AKAP14: variants seen among roughly 807,000 people sequenced by gnomAD.
AKAP14 encodes A-kinase anchor protein 14.
Under a neutral mutation model 17.0 loss-of-function variants are expected in AKAP14, and 4 were observed. The ratio of observed to expected loss-of-function variants is 0.23; its 90% confidence interval spans 0.12 to 0.54. AKAP14 has a LOEUF of 0.54. Among genes scored for constraint, AKAP14 ranks in the 20% least tolerant of loss-of-function variants. The pLI is 0.95. For missense variants in AKAP14, 129 were observed against 150.9 expected (o/e 0.85, Z 0.76); for synonymous variants, 42 against 51.3 (o/e 0.82, Z 0.77).
rs766878681 is a variant in AKAP14, at chrX:119,913,123, A to AAAATAAATAAATAAATAAAT, written c.262-1564_262-1545dup. Among the ~76,000 whole-genome samples, 755 of 98,060 alleles carry AAAATAAATAAATAAATAAAT rather than the reference A, an allele frequency of 7.7e-3. 10 individuals carry two copies. The highest frequency in any genetic ancestry group is 0.026 in the Middle Eastern group (5 of 192). The allele number at this position is 98,060 out of a possible 115,157, so 85.2% of individuals were successfully genotyped here. On this transcript the variant is annotated intron_variant, in intron 4 of 6. Transcript: ENST00000371431. ...GACAACATAGCAAGACCTGGTCTCT[A>AAAATAAATAAATAAATAAAT]AAATAAATAAATAAATAAATAAATA...
intron 4 of AKAP14, among the ~76,000 whole-genome samples, chrX:119,908,014 G>A (rs868000436): frequency 6.3e-5 from 7 of 111,633 alleles, no homozygotes; most frequent in Middle Eastern, 4.6e-3. Context: ...GGCTGGGCGC[G>A]GTGGCTCACG....
intron 4 of AKAP14, among the ~76,000 whole-genome samples, chrX:119,905,291 C>T (rs988983886): frequency 8.9e-6 from 1 of 111,868 alleles, no homozygotes; most frequent in African/African-American, 3.2e-5. Flanking sequence ...CTCCAGCGGA[C>T]GCCACTCACC....
At chrX:119,903,452 C>T in intron 3 of AKAP14, 43 bp from the exon 4 acceptor site, 1 of 1,211,365 alleles carries the variant, frequency 8.3e-7, no homozygotes, top group Non-Finnish European at 1.1e-6. Flanking sequence ...AATATAGCAC[C>T]ACACTACCTG....
At chrX:119,917,884 T>A (rs757579356) in intron 5 of AKAP14, among the ~76,000 whole-genome samples, 11 of 112,874 alleles carry the variant, frequency 9.7e-5, no homozygotes, top group Non-Finnish European at 1.9e-4. Context: ...GGGATTCAGA[T>A]TCTGCAAGAC....
At chrX:119,912,913 CAAG>C (rs2056635781) in intron 4 of AKAP14, among the ~76,000 whole-genome samples, 1 of 110,551 alleles carries the variant, frequency 9.0e-6, no homozygotes, top group African/African-American at 3.3e-5. Context: ...ATCTCAACTC[CAAG>C]AATAGGCCCA....
intron 4 of AKAP14, among the ~76,000 whole-genome samples, chrX:119,906,149 G>A (rs970100019): frequency 8.3e-5 from 9 of 108,539 alleles, no homozygotes; most frequent in Admixed American, 4.0e-4. Context: ...TGACTGAAAA[G>A]CTAAACATGT....
chrX:119,901,186 G>A (rs955282412), intron 2 of AKAP14, among the ~76,000 whole-genome samples: 2 of 112,013 alleles, frequency 1.8e-5, no homozygotes, highest in Non-Finnish European at 3.8e-5. Context: ...GGCCATTAAA[G>A]TCAGACACAA....
intron 4 of AKAP14, among the ~76,000 whole-genome samples, chrX:119,908,653 GTC>G (rs2056611649): frequency 9.0e-6 from 1 of 111,685 alleles, no homozygotes; most frequent in South Asian, 3.7e-4. Flanking sequence ...ACTTCTATGT[GTC>G]TGTTGATTGT....
At position 119,903,585 on chromosome X, in the gene AKAP14, C is replaced by T. The variant is rs765490964; in HGVS notation, c.260C>T (p.Ser87Leu). Reference sequence around the variant, plus strand: ...CTTAAACAAATTGACGAATATTTTTCGGTAAGTTAGGCCGACCACTCCAGC... The same window carrying T: ...CTTAAACAAATTGACGAATATTTTTTGGTAAGTTAGGCCGACCACTCCAGC... ...KGLKQIDEYFSKCVSKKCWAH... is the reference protein window; with the variant it reads ...KGLKQIDEYFLKCVSKKCWAH... Residue 87 changes from serine to leucine, a missense_variant and splice_region_variant, in exon 4 of 7, where the codon TCG (serine) becomes TTG (leucine). Physicochemically the swap from Ser to Leu is moderately radical, Grantham distance 145. Coordinates refer to ENST00000371431, the MANE Select transcript of AKAP14 (RefSeq NM_178813.6). 9 of 1,209,023 alleles carry T rather than the reference C, an allele frequency of 7.4e-6. No homozygotes were observed. The highest frequency in any genetic ancestry group is 5.3e-5 in the South Asian group (3 of 56,705).
chrX:119,905,050 CAA>C (rs35528603), intron 4 of AKAP14, among the ~76,000 whole-genome samples: 2 of 95,203 alleles, frequency 2.1e-5, no homozygotes, highest in Non-Finnish European at 4.3e-5. Flanking sequence ...GACCCTGTCT[CAA>C]AAAAAAAAAA....
At chrX:119,909,484 C>T (rs951383227) in intron 4 of AKAP14, among the ~76,000 whole-genome samples, 11 of 105,236 alleles carry the variant, frequency 1.0e-4, no homozygotes, top group Admixed American at 1.0e-4. Context: ...GCCGAGAAAA[C>T]GCCACTGTAC....
chrX:119,903,558 G>T lies in AKAP14; in HGVS notation c.233G>T (p.Gly78Val). 5 of 1,211,662 alleles carry T rather than the reference G, an allele frequency of 4.1e-6. No homozygotes were observed. The highest frequency in any genetic ancestry group is 5.6e-6 in the Non-Finnish European group (5 of 895,422). ...MTHGEFTVEKGLKQIDEYFSK... is the reference protein window; with the variant it reads ...MTHGEFTVEKVLKQIDEYFSK... The stretch of plus-strand genomic sequence containing the variant: ...CACGGTGAATTCACTGTGGAAAAGG[G>T]TCTTAAACAAATTGACGAATATTTT... Residue 78 changes from glycine (G) to valine (V), a missense_variant, in exon 4 of 7, where the codon GGT becomes GTT. Transcript: ENST00000371431.
intron 2 of AKAP14, among the ~76,000 whole-genome samples, chrX:119,897,067 T>G (rs1446089339): frequency 9.1e-6 from 1 of 110,458 alleles, no homozygotes; most frequent in Non-Finnish European, 1.9e-5. Flanking sequence ...ACATTGGCCT[T>G]CCAAAGTGCT....
intron 4 of AKAP14, among the ~76,000 whole-genome samples, chrX:119,904,246 C>T (rs2056584879): frequency 8.9e-6 from 1 of 112,105 alleles, no homozygotes; most frequent in Admixed American, 9.6e-5. Context: ...CCTCCACCAC[C>T]AACTTTAGAA....
chrX:119,918,872 C>T (rs2056673210), intron 5 of AKAP14, among the ~76,000 whole-genome samples: 1 of 111,982 alleles, frequency 8.9e-6, no homozygotes, highest in Non-Finnish European at 1.9e-5. Flanking sequence ...GCACCTTGGC[C>T]TGATGTTAAG....
rs1287585011 is a variant in AKAP14 at position 119,919,418 on chromosome X, A to G, written c.442-493A>G. 3.6e-5 allele frequency among the ~76,000 whole-genome samples: 4 copies of G among 112,453 alleles called. No individual in the cohort carries two copies. The Admixed American group carries it at 3.8e-4, about 11-fold the overall frequency. On this transcript the variant is annotated intron_variant, in intron 5 of 6. Coordinates refer to ENST00000371431, the MANE Select transcript of AKAP14 (RefSeq NM_178813.6). ...AAGATTCTTAAGGTATTTGTTGTCA[A>G]AAAGATATTTTGGGGAACGGAGGTT... is the stretch of plus-strand genomic sequence containing the variant.
chrX:119,903,738 C>T (rs1454869313), intron 4 of AKAP14, 152 bp downstream of exon 4: 8 of 1,019,959 alleles, frequency 7.8e-6, no homozygotes, highest in Non-Finnish European at 6.6e-6. Context: ...CATCTCAGTT[C>T]CAAAATCAAG....
At chrX:119,911,377 T>A (rs1008443494) in intron 4 of AKAP14, among the ~76,000 whole-genome samples, 4 of 108,414 alleles carry the variant, frequency 3.7e-5, no homozygotes, top group African/African-American at 1.3e-4. Context: ...AGAAAAGAAA[T>A]TTTTTAATAT....
At chrX:119,919,862 A>G in intron 5 of AKAP14, 49 bp from the exon 6 acceptor site, 1 of 1,175,316 alleles carries the variant, frequency 8.5e-7, no homozygotes, top group South Asian at 1.8e-5. Context: ...AAAAACAAAA[A>G]GAGTTGGTAT....
Sources: gnomAD v4.1 joint callset for allele counts (sites outside exome capture counted in the v4.1 genomes callset) on GRCh38, gnomAD v4.1.1 for gene constraint, MANE v1.5 for transcripts, NCBI Gene and HGNC (gene_info 2026-07-23, HGNC 2026-07-21) for gene names.